The following CCPG1 variants were observed in gnomAD, a reference collection of about 807,000 sequenced individuals.
The protein encoded by CCPG1 is cell cycle progression 1.
A neutral mutation model predicts 81.3 loss-of-function variants in CCPG1; 46 were observed. The observed-to-expected ratio is 0.57, with a 90% confidence interval of 0.45 to 0.72. The LOEUF is 0.72. Ranked by LOEUF, CCPG1 falls within the 30% of genes least tolerant of loss-of-function variation. The pLI is 0.00. For synonymous variants in CCPG1, 330 were observed against 305.2 expected, an observed-to-expected ratio of 1.08 and a Z score of -0.85; for missense variants, 902 against 937.6, an observed-to-expected ratio of 0.96 and a Z score of 0.50.
rs1166430017 is a variant in CCPG1, at chr15:55,360,232, G to C, written c.1541C>G (p.Ala514Gly). 6.2e-7 allele frequency: 1 copy of C among 1,613,732 alleles called. No individual in the cohort carries two copies. The highest frequency in any genetic ancestry group is 1.1e-5 in the South Asian group (1 of 91,040). ...CAGATTTTCCTTCACAGCTTCTTTAGCCTGCTTAATTTTCTCTTTATGATG... is the reference window on the plus strand; with the variant it reads ...CAGATTTTCCTTCACAGCTTCTTTACCCTGCTTAATTTTCTCTTTATGATG... ...VRHHKEKIKQ[A>G]KEAVKENLKK... is the part of the protein sequence containing the mutation. The change falls in exon 8 of 9, where the codon GCT becomes GGT. Residue 514 changes from alanine to glycine, a missense_variant. Coordinates refer to ENST00000442196, the MANE Select transcript of CCPG1 (RefSeq NM_001204450.2).
intron 7 of CCPG1, among the ~76,000 whole-genome samples, chr15:55,362,866 C>CT (rs2056232798): frequency 6.6e-6 from 1 of 151,576 alleles, no homozygotes. Flanking sequence ...ATAGTGAGAC[C>CT]CCATCTCTAT....
At chr15:55,404,556 A>G (rs745364303) in intron 1 of CCPG1, among the ~76,000 whole-genome samples, 7 of 152,198 alleles carry the variant, frequency 4.6e-5, no homozygotes, top group Non-Finnish European at 1.0e-4. Context: ...CAAGTTTAAG[A>G]TTTTCCAGGC....
chr15:55,358,964 A>T (rs1341865308), intron 8 of CCPG1: 1 of 975,848 alleles, frequency 1.0e-6, no homozygotes, highest in Non-Finnish European at 1.2e-6. Flanking sequence ...TGGATAAAAA[A>T]TTATTATGAA....
chr15:55,372,286 A>G, intron 5 of CCPG1: 3 of 539,608 alleles, frequency 5.6e-6, no homozygotes, highest in East Asian at 6.4e-5. Flanking sequence ...GTGCTTTGAG[A>G]GCCTATCTCT....
Position 55,380,638 on chromosome 15 carries a change from GA to G in CCPG1, c.176-2263del, listed in dbSNP as rs1168957029. Among the ~76,000 whole-genome samples the G allele has an allele frequency of 4.0e-5, 6 of 150,696 alleles. No individual in the cohort carries two copies. In the East Asian group the frequency reaches 7.8e-4, roughly 20 times the overall value. Reference sequence around the variant, plus strand: ...TAATTTAAGTCCTGCAAAGAACAGGGAAAAAAAAATATTTTTCAGCATTATA... The same window carrying G: ...TAATTTAAGTCCTGCAAAGAACAGGGAAAAAAAATATTTTTCAGCATTATA... On this transcript the variant is annotated intron_variant, in intron 3 of 8. Coordinates refer to ENST00000442196, the MANE Select transcript of CCPG1 (RefSeq NM_001204450.2).
At chr15:55,371,023 G>C (rs2056437997) in intron 6 of CCPG1, among the ~76,000 whole-genome samples, 1 of 152,020 alleles carries the variant, frequency 6.6e-6, no homozygotes, top group Non-Finnish European at 1.5e-5. Flanking sequence ...TGAGGTAGGA[G>C]AATTGCTAGA....
intron 1 of CCPG1, among the ~76,000 whole-genome samples, chr15:55,401,449 C>T (rs781345191): frequency 3.9e-5 from 6 of 152,116 alleles, no homozygotes; most frequent in South Asian, 2.1e-4. Flanking sequence ...GGTGAATCAC[C>T]TGAGGTCAGG....
intron 7 of CCPG1, among the ~76,000 whole-genome samples, chr15:55,364,052 C>T (rs28413009): frequency 0.18 from 27,537 of 149,878 alleles, 4,846 homozygotes; most frequent in African/African-American, 0.43. Flanking sequence ...AATCCACCTA[C>T]CTTGGCTTCC....
chr15:55,361,251 T>A (rs2056188333), intron 7 of CCPG1, among the ~76,000 whole-genome samples: 2 of 151,060 alleles, frequency 1.3e-5, no homozygotes, highest in African/African-American at 4.9e-5. Context: ...CACTATAACC[T>A]CTGCCTCTTG....
chr15:55,370,007 AAT>A (rs113368618), intron 6 of CCPG1, among the ~76,000 whole-genome samples: 26,676 of 152,096 alleles, frequency 0.18, 4,030 homozygotes, highest in African/African-American at 0.41. Flanking sequence ...TATAAAGGTA[AAT>A]ATATATTTCA....
chr15:55,363,639 TGG>T (rs2056253238), intron 7 of CCPG1, among the ~76,000 whole-genome samples: 1 of 150,536 alleles, frequency 6.6e-6, no homozygotes, highest in African/African-American at 2.4e-5. Flanking sequence ...AGTACTTGGA[TGG>T]GAGAAGTACC....
intron 5 of CCPG1, among the ~76,000 whole-genome samples, chr15:55,376,723 A>G (rs2056573718): frequency 6.6e-6 from 1 of 152,208 alleles, no homozygotes; most frequent in Non-Finnish European, 1.5e-5. Context: ...TTTGTCTTCT[A>G]TTTAATGGCA....
intron 1 of CCPG1, among the ~76,000 whole-genome samples, chr15:55,403,289 T>A (rs1180598657): frequency 6.6e-6 from 1 of 152,150 alleles, no homozygotes; most frequent in Non-Finnish European, 1.5e-5. Flanking sequence ...CTCAACATCA[T>A]TAAAAATCCT....
chr15:55,403,416 A>AAC (rs1394984343), intron 1 of CCPG1, among the ~76,000 whole-genome samples: 6 of 152,176 alleles, frequency 3.9e-5, no homozygotes, highest in Middle Eastern at 6.8e-3. Flanking sequence ...AAAAAAAAAA[A>AAC]AAGATTTCAG....
rs547794458 is a variant in CCPG1, at chr15:55,359,847, G to A, written c.1926C>T (p.Ser642=). The A allele has an allele frequency of 3.5e-5, 56 of 1,613,494 alleles. 2 individuals are homozygous for A. The South Asian group carries it at 5.9e-4, about 17-fold the overall frequency. The change falls in exon 8 of 9, where the codon AGC becomes AGT. Residue 642 remains serine, a synonymous_variant. Coordinates refer to ENST00000442196, the MANE Select transcript of CCPG1 (RefSeq NM_001204450.2). ...TAGGATTCACCACTGTGTTAAAAAG[G>A]CTCATGGACTCTTGTTGAGCACAAT... ...VFDCAQQESM[S]LFNTVVNPIR...
intron 8 of CCPG1, chr15:55,356,798 C>T: frequency 2.0e-6 from 2 of 993,398 alleles, no homozygotes; most frequent in Non-Finnish European, 2.4e-6. Context: ...AAACAAAAGT[C>T]TCAACTTTTT....
Position 55,359,667 on chromosome 15 carries a change from A to G in CCPG1, c.2106T>C (p.Asn702=), listed in dbSNP as rs1595817875. ...HDQKLFTDFV[N]DVKDYLRNMK... is the part of the protein sequence containing the mutation. Reference sequence around the variant, plus strand: ...TGTTTCTAAGATAATCTTTAACATCATTAACAAAGTCAGTGAAGAGCTTCT... The same window carrying G: ...TGTTTCTAAGATAATCTTTAACATCGTTAACAAAGTCAGTGAAGAGCTTCT... Residue 702 remains asparagine (N), a synonymous_variant, in exon 8 of 9, where the codon AAT becomes AAC. Transcript: ENST00000442196. 3.1e-6 allele frequency: 5 copies of G among 1,613,512 alleles called. No homozygotes were observed. Among genetic ancestry groups the G allele is most frequent in the Non-Finnish European group, 4.2e-6 (5 of 1,179,874 alleles).
intron 8 of CCPG1, chr15:55,358,664 C>T (rs2056130544): frequency 3.0e-6 from 3 of 985,226 alleles, no homozygotes; most frequent in South Asian, 9.4e-5. Flanking sequence ...CCTTTCCAAA[C>T]ACCTCCAGAC....
At chr15:55,379,705 G>A (rs1243123859) in intron 3 of CCPG1, among the ~76,000 whole-genome samples, 3 of 151,964 alleles carry the variant, frequency 2.0e-5, no homozygotes, top group Middle Eastern at 3.2e-3. Flanking sequence ...TCAAAACACA[G>A]AAAAACTAAA....
Sources: gnomAD v4.1 joint callset for allele counts (sites outside exome capture counted in the v4.1 genomes callset) on GRCh38, gnomAD v4.1.1 for gene constraint, MANE v1.5 for transcripts, NCBI Gene and HGNC (gene_info 2026-07-23, HGNC 2026-07-21) for gene names.